Variants in COL25A1 observed in about 807,000 individuals in gnomAD.
COL25A1 encodes collagen type XXV alpha 1 chain.
A neutral mutation model predicts 128.4 loss-of-function variants in COL25A1; 103 were observed. The ratio of observed to expected loss-of-function variants is 0.80; its 90% confidence interval spans 0.68 to 0.94. COL25A1 has a LOEUF of 0.94. COL25A1 is among the 40% of genes least tolerant of loss of function. The pLI is 0.00. For missense variants in COL25A1, 745 were observed against 840.0 expected, an observed-to-expected ratio of 0.89 and a Z score of 1.40; for synonymous variants, 279 against 277.2, an observed-to-expected ratio of 1.01 and a Z score of -0.06.
intron 6 of COL25A1, among the ~76,000 whole-genome samples, chr4:108,995,699 T>C (rs1754701339): frequency 1.3e-5 from 2 of 151,966 alleles, no homozygotes; most frequent in Non-Finnish European, 2.9e-5. Flanking sequence ...AACGAAAAAA[T>C]GTTAAGGGCA....
At position 109,250,655 on chromosome 4, in the gene COL25A1, A is replaced by G. The variant is rs147147599; in HGVS notation, c.367+49928T>C. Among the ~76,000 whole-genome samples the G allele has an allele frequency of 1.5e-3, 224 of 152,274 alleles. 3 individuals are homozygous for G. The East Asian group carries it at 0.033, about 23-fold the overall frequency. On this transcript the variant is annotated intron_variant, in intron 3 of 37. Transcript: ENST00000399132. ...CTCCCTTATTCTACCTTTTTGTTCT[A>G]TTCAGGCCTTTCAGTGGCTTGGAAG... is the stretch of plus-strand genomic sequence containing the variant.
intron 3 of COL25A1, among the ~76,000 whole-genome samples, chr4:109,295,221 AG>A (rs1242236184): frequency 6.6e-6 from 1 of 152,162 alleles, no homozygotes; most frequent in African/African-American, 2.4e-5. Context: ...AGAGAAGCTA[AG>A]AAACAAGAAC....
intron 3 of COL25A1, among the ~76,000 whole-genome samples, chr4:109,096,430 C>A (rs1214969503): frequency 7.0e-6 from 1 of 143,776 alleles, no homozygotes; most frequent in African/African-American, 2.6e-5. Context: ...AAATACCTAC[C>A]ACTGTGTTAC....
At chr4:109,090,213 TA>T (rs1381749874) in intron 3 of COL25A1, among the ~76,000 whole-genome samples, 2 of 152,208 alleles carry the variant, frequency 1.3e-5, no homozygotes, top group African/African-American at 4.8e-5. Flanking sequence ...ATTTGACCTA[TA>T]AAAACCACAC....
chr4:109,182,705 C>T (rs1282778542), intron 3 of COL25A1, among the ~76,000 whole-genome samples: 1 of 152,014 alleles, frequency 6.6e-6, no homozygotes, highest in African/African-American at 2.4e-5. Flanking sequence ...AACAAAACTG[C>T]GATGACAGAC....
chr4:109,096,999 G>T (rs1435444797), intron 3 of COL25A1, among the ~76,000 whole-genome samples: 2 of 152,168 alleles, frequency 1.3e-5, no homozygotes, highest in Non-Finnish European at 1.5e-5. Flanking sequence ...CAAGGAAACA[G>T]AACAATAGGA....
At chr4:109,119,110 C>T (rs1020991391) in intron 3 of COL25A1, among the ~76,000 whole-genome samples, 2 of 151,960 alleles carry the variant, frequency 1.3e-5, no homozygotes, top group African/African-American at 4.8e-5. Flanking sequence ...CTAAATAACA[C>T]ATAGGTCAAA....
intron 13 of COL25A1, among the ~76,000 whole-genome samples, chr4:108,914,652 C>T (rs1338003699): frequency 4.1e-5 from 4 of 98,564 alleles, no homozygotes; most frequent in Admixed American, 1.3e-4. Context: ...TTTGCTGAAA[C>T]TTTTTTTTTT....
chr4:109,127,749 T>C (rs1203312419), intron 3 of COL25A1, among the ~76,000 whole-genome samples: 4 of 152,174 alleles, frequency 2.6e-5, no homozygotes, highest in African/African-American at 7.2e-5. Context: ...CCGTAAACGT[T>C]AGCTGATTTC....
chr4:108,953,989 G>A (rs141873718), intron 8 of COL25A1, among the ~76,000 whole-genome samples: 1 of 152,140 alleles, frequency 6.6e-6, no homozygotes, highest in South Asian at 2.1e-4. Flanking sequence ...TTGTAATTCA[G>A]AACACTGATT....
intron 13 of COL25A1, among the ~76,000 whole-genome samples, chr4:108,913,455 C>G (rs1165781409): frequency 6.6e-6 from 1 of 151,376 alleles, no homozygotes; most frequent in Non-Finnish European, 1.5e-5. Context: ...ACGGGGTTTC[C>G]CCATGTTGGT....
At chr4:109,146,303 C>T (rs1770941203) in intron 3 of COL25A1, among the ~76,000 whole-genome samples, 1 of 152,136 alleles carries the variant, frequency 6.6e-6, no homozygotes, top group Non-Finnish European at 1.5e-5. Flanking sequence ...AGTCTATTTA[C>T]ATCTTATTTG....
chr4:109,022,696 C>CATAGGGTA (rs1365316136), intron 5 of COL25A1, among the ~76,000 whole-genome samples: 1 of 152,080 alleles, frequency 6.6e-6, no homozygotes, highest in Non-Finnish European at 1.5e-5. Flanking sequence ...GGAAGAGCCA[C>CATAGGGTA]ATAGGGTAAG....
intron 8 of COL25A1, among the ~76,000 whole-genome samples, chr4:108,964,251 T>A (rs989697167): frequency 4.0e-5 from 6 of 151,768 alleles, no homozygotes; most frequent in Non-Finnish European, 5.9e-5. Flanking sequence ...TTTCCAGGAT[T>A]TCTTGTCAGA....
At chr4:108,901,405 C>T (rs1742840546) in intron 13 of COL25A1, among the ~76,000 whole-genome samples, 1 of 152,018 alleles carries the variant, frequency 6.6e-6, no homozygotes, top group Non-Finnish European at 1.5e-5. Context: ...AAAACTGAGG[C>T]AACTTACCAG....
intron 3 of COL25A1, among the ~76,000 whole-genome samples, chr4:109,234,883 T>C (rs1578509138): frequency 6.6e-6 from 1 of 152,206 alleles, no homozygotes; most frequent in Non-Finnish European, 1.5e-5. Context: ...GAAGCTTATA[T>C]TTTTCAGAGG....
rs985019173 is a variant in COL25A1 at position 108,919,476 on chromosome 4, T to C, written c.735+1102A>G. ...TTTACTTGGTTTGTAGGATTATGTT[T>C]CAACAGATGCCACATGCCCAGTGCT... On this transcript the variant is annotated intron_variant, in intron 12 of 37. Transcript: ENST00000399132. 9.8e-5 allele frequency among the ~76,000 whole-genome samples: 15 copies of C among 152,326 alleles called. No individual in the cohort carries two copies. The East Asian group carries it at 2.9e-3, about 29-fold the overall frequency.
chr4:109,084,475 A>G (rs531777062), intron 3 of COL25A1, among the ~76,000 whole-genome samples: 63 of 152,352 alleles, frequency 4.1e-4, no homozygotes, highest in Non-Finnish European at 8.2e-4. Flanking sequence ...TTTTCACTGC[A>G]AATTCACAAA....
chr4:108,917,489 C>T (rs971263513), intron 13 of COL25A1, among the ~76,000 whole-genome samples: 11 of 152,256 alleles, frequency 7.2e-5, no homozygotes, highest in African/African-American at 2.4e-4. Flanking sequence ...CAGTGGCTTT[C>T]CTGGTTTCTG....
Sources: gnomAD v4.1 joint callset for allele counts (sites outside exome capture counted in the v4.1 genomes callset) on GRCh38, gnomAD v4.1.1 for gene constraint, MANE v1.5 for transcripts, NCBI Gene and HGNC (gene_info 2026-07-23, HGNC 2026-07-21) for gene names.